The following GAS2 variants were observed in gnomAD, a reference collection of about 807,000 sequenced individuals.
GAS2 encodes growth arrest specific 2, also known as growth arrest-specific protein 2.
A neutral mutation model predicts 37.5 loss-of-function variants in GAS2; 20 were observed. The ratio of observed to expected loss-of-function variants is 0.53; its 90% CI spans 0.37 to 0.77. The LOEUF (loss-of-function observed/expected upper bound fraction) is 0.77. Among genes scored for constraint, GAS2 ranks in the 30% least tolerant of loss-of-function variants. The pLI is 0.00. For synonymous variants in GAS2, 144 were observed against 132.2 expected, an observed-to-expected ratio of 1.09 and a Z score of -0.61; for missense variants, 336 against 373.4, an observed-to-expected ratio of 0.90 and a Z score of 0.82.
intron 7 of GAS2, among the ~76,000 whole-genome samples, chr11:22,801,197 G>GA (rs532032075): frequency 6.6e-6 from 1 of 151,486 alleles, no homozygotes; most frequent in Non-Finnish European, 1.5e-5. Flanking sequence ...AGAGACAGGG[G>GA]AAAAAAAACT....
At chr11:22,811,092 C>G (rs1857138575) in intron 7 of GAS2, among the ~76,000 whole-genome samples, 1 of 152,082 alleles carries the variant, frequency 6.6e-6, no homozygotes, top group Non-Finnish European at 1.5e-5. Flanking sequence ...ATATATTTTA[C>G]TAGATACAAA....
intron 1 of GAS2, among the ~76,000 whole-genome samples, chr11:22,643,165 C>A: frequency 6.6e-6 from 1 of 151,928 alleles, no homozygotes; most frequent in Middle Eastern, 3.4e-3. Flanking sequence ...AATTCATGAG[C>A]TTTAAAGGCA....
At chr11:22,785,242 G>A (rs750201095) in intron 7 of GAS2, among the ~76,000 whole-genome samples, 9 of 152,028 alleles carry the variant, frequency 5.9e-5, no homozygotes, top group Non-Finnish European at 1.2e-4. Context: ...AGTCCGCATG[G>A]AAAAAGAAGG....
At chr11:22,808,855 G>A (rs866019899) in intron 7 of GAS2, among the ~76,000 whole-genome samples, 1 of 152,222 alleles carries the variant, frequency 6.6e-6, no homozygotes, top group African/African-American at 2.4e-5. Context: ...AATTTTGGAA[G>A]CTGGCAGTAA....
upstream of GAS2, among the ~76,000 whole-genome samples, chr11:22,663,881 T>G (rs1279014007): frequency 1.3e-5 from 2 of 152,168 alleles, no homozygotes; most frequent in African/African-American, 4.8e-5. Flanking sequence ...ATATGTCAAT[T>G]GAAGGCCTTA....
At chr11:22,659,253 G>T (rs749266130) in intron 1 of GAS2, among the ~76,000 whole-genome samples, 8 of 152,172 alleles carry the variant, frequency 5.3e-5, no homozygotes, top group Admixed American at 2.6e-4. Context: ...TCTGAATCTT[G>T]ATTGGTATGT....
intron 7 of GAS2, among the ~76,000 whole-genome samples, chr11:22,799,820 T>G (rs1176412769): frequency 1.3e-5 from 2 of 152,136 alleles, no homozygotes; most frequent in Admixed American, 1.3e-4. Flanking sequence ...TCATTTAATA[T>G]TCATCTAATA....
At chr11:22,749,566 C>T (rs1853616781) in intron 6 of GAS2, among the ~76,000 whole-genome samples, 2 of 151,898 alleles carry the variant, frequency 1.3e-5, no homozygotes, top group South Asian at 4.2e-4. Context: ...ATCACCATTC[C>T]CCCTTTCACA....
At chr11:22,646,700 T>G (rs1848699316) in intron 1 of GAS2, among the ~76,000 whole-genome samples, 1 of 152,162 alleles carries the variant, frequency 6.6e-6, no homozygotes, top group African/African-American at 2.4e-5. Context: ...TTTATGGCAT[T>G]TCTTTTAAAA....
chr11:22,765,330 G>T (rs963294310), intron 7 of GAS2, among the ~76,000 whole-genome samples: 1 of 152,110 alleles, frequency 6.6e-6, no homozygotes, highest in Non-Finnish European at 1.5e-5. Flanking sequence ...CCACTGATTT[G>T]ACATTTTAAC....
chr11:22,727,965 A>G (rs1852293971), intron 4 of GAS2, among the ~76,000 whole-genome samples: 1 of 152,044 alleles, frequency 6.6e-6, no homozygotes, highest in Admixed American at 6.6e-5. Context: ...CATAAAATCA[A>G]GTCTTAGTAA....
intron 1 of GAS2, 164 bp from the exon 2 acceptor site, chr11:22,674,686 A>G: frequency 2.5e-6 from 1 of 406,196 alleles, no homozygotes; most frequent in South Asian, 1.2e-4. Context: ...CAAAAGTGAG[A>G]GGGCCAGTAC....
At chr11:22,640,924 A>G (rs74741138) in intron 1 of GAS2, among the ~76,000 whole-genome samples, 2,447 of 152,100 alleles carry the variant, frequency 0.016, 89 homozygotes, top group African/African-American at 0.055. Context: ...TGTGTCCTAA[A>G]TTTGTGTAAA....
intron 3 of GAS2, among the ~76,000 whole-genome samples, chr11:22,707,891 A>T (rs558132609): frequency 1.3e-5 from 2 of 152,176 alleles, no homozygotes; most frequent in Non-Finnish European, 2.9e-5. Flanking sequence ...AGGAAGATTA[A>T]TCTGAGGTTG....
At chr11:22,720,600 T>C (rs1040613075) in intron 3 of GAS2, among the ~76,000 whole-genome samples, 1 of 152,024 alleles carries the variant, frequency 6.6e-6, no homozygotes, top group Admixed American at 6.6e-5. Context: ...GAAACATTAA[T>C]TCCATCATGG....
intron 1 of GAS2, among the ~76,000 whole-genome samples, chr11:22,637,172 A>C (rs1858837234): frequency 8.0e-6 from 1 of 124,786 alleles, no homozygotes; most frequent in African/African-American, 3.2e-5. Context: ...TATTATATTA[A>C]TATATTACTT....
intron 1 of GAS2, among the ~76,000 whole-genome samples, chr11:22,660,620 C>A (rs116921747): frequency 6.6e-6 from 1 of 152,138 alleles, no homozygotes; most frequent in Non-Finnish European, 1.5e-5. Flanking sequence ...CTGATTTCGT[C>A]TGTGACCAAA....
intron 1 of GAS2, chr11:22,674,645 A>G: frequency 2.9e-6 from 1 of 345,766 alleles, no homozygotes; most frequent in Non-Finnish European, 5.2e-6. Flanking sequence ...TTGACCTTTG[A>G]TTGCTGCTGT....
Position 22,685,674 on chromosome 11 carries a change from A to G in GAS2, c.152A>G (p.Glu51Gly). ...CTTCTTTTTGTTATTTCAGGGAAGGAGATTACAGCAGAAACTTTTATGGAG... is the reference window on the plus strand; with the variant it reads ...CTTCTTTTTGTTATTTCAGGGAAGGGGATTACAGCAGAAACTTTTATGGAG... ...ALWLTNLLGK[E>G]ITAETFMEKL... The change falls in exon 3 of 8, where the codon GAG becomes GGG. Residue 51 changes from glutamate (E) to glycine (G), a missense_variant. By Grantham distance (98) the Glu-to-Gly change is moderately conservative. Transcript: ENST00000454584. 6.2e-7 allele frequency: 1 copy of G among 1,612,104 alleles called. No homozygotes were observed. Among genetic ancestry groups the G allele is most frequent in the South Asian group, 1.1e-5 (1 of 90,354 alleles).
Sources: allele counts gnomAD v4.1 joint callset (sites outside exome capture counted in the v4.1 genomes callset), GRCh38; gene constraint gnomAD v4.1.1; transcripts MANE v1.5; gene names NCBI Gene and HGNC (gene_info 2026-07-23, HGNC 2026-07-21).